Variants in SH2D2A observed in about 807,000 individuals in gnomAD.
SH2D2A encodes SH2 domain containing 2A.
A neutral mutation model predicts 43.6 loss-of-function variants in SH2D2A; 33 were observed. That is an observed-to-expected ratio of 0.76 (90% CI 0.57 to 1.01). The LOEUF is 1.01. Among genes scored for constraint, SH2D2A ranks in the 50% least tolerant of loss-of-function variants. The pLI is 0.00. For missense variants in SH2D2A, 491 were observed against 503.1 expected (o/e 0.98, Z 0.23); for synonymous variants, 212 against 206.1 (o/e 1.03, Z -0.25).
intron 4 of SH2D2A, 51 bp from the exon 5 acceptor site, chr1:156,814,067 C>CG: frequency 6.7e-7 from 1 of 1,489,052 alleles, no homozygotes; most frequent in Non-Finnish European, 8.9e-7. Flanking sequence ...CGGCCAGGGT[C>CG]ACCAGCGAGA....
chr1:156,813,430 A>G (rs1478300580), intron 5 of SH2D2A, among the ~76,000 whole-genome samples: 1 of 152,182 alleles, frequency 6.6e-6, no homozygotes, highest in Non-Finnish European at 1.5e-5. Context: ...AGAGGGGGGA[A>G]GCTGACTCAG....
chr1:156,809,440 C>G lies in SH2D2A; in HGVS notation c.765G>C (p.Leu255=), dbSNP rs1485265022. The G allele has an allele frequency of 3.7e-6, 6 of 1,612,498 alleles. No homozygotes were observed. The South Asian group carries it at 6.6e-5, about 18-fold the overall frequency. The change falls in exon 7 of 9, where the codon CTG becomes CTC. Residue 255 remains leucine, a synonymous_variant. Coordinates refer to ENST00000368199, the MANE Select transcript of SH2D2A (RefSeq NM_003975.4). This position sits in a 1 kb window ranked among gnomAD's most constrained non-coding sequence, Gnocchi z 4.8. ...CAGGGATTGTGTAGACTTCTGGGGGCAGCTGAGGTTTGGCGGGGATGGGAG... is the reference window on the plus strand; with the variant it reads ...CAGGGATTGTGTAGACTTCTGGGGGGAGCTGAGGTTTGGCGGGGATGGGAG... The part of the protein sequence containing the change: ...PKPPIPAKPQ[L]PPEVYTIPVP...
chr1:156,809,731 TG>T lies in SH2D2A; in HGVS notation c.643del (p.Gln215SerfsTer73). 1 of 1,614,070 alleles carries T rather than the reference TG, an allele frequency of 6.2e-7. No homozygotes were observed. Among genetic ancestry groups the T allele is most frequent in the Non-Finnish European group, 8.5e-7 (1 of 1,179,990 alleles). Reference sequence around the variant, plus strand: ...CCCCTGTTTGATGATTGGGCTGTACTGGGGGTTTGGGTCCTGGCTTTTGCTT... The same window carrying T: ...CCCCTGTTTGATGATTGGGCTGTACTGGGGTTTGGGTCCTGGCTTTTGCTT... ...FGSKSQDPNP[Q>X]YSPIIKQGQA... On this transcript the variant is annotated frameshift_variant, in exon 6 of 9. Coordinates refer to ENST00000368199, the MANE Select transcript of SH2D2A (RefSeq NM_003975.4). LOFTEE classifies it high-confidence loss of function. This position sits in a 1 kb window ranked among gnomAD's most constrained non-coding sequence, Gnocchi z 4.8.
Position 156,814,133 on chromosome 1 carries a change from C to A in SH2D2A, c.398+72G>T, listed in dbSNP as rs969236871. The A allele has an allele frequency of 2.6e-5, 42 of 1,585,682 alleles. No homozygotes were observed. The Admixed American group carries it at 6.2e-4, about 23-fold the overall frequency. On this transcript the variant is annotated intron_variant, in intron 4 of 8. Transcript: ENST00000368199. Reference sequence around the variant, plus strand: ...AATGAGCTAAGAGCCCGGCTCCTCACGGGATCAGACCCAAGCCCCGCCCCT... The same window carrying A: ...AATGAGCTAAGAGCCCGGCTCCTCAAGGGATCAGACCCAAGCCCCGCCCCT...
At chr1:156,813,422 AG>A (rs35693620) in intron 5 of SH2D2A, among the ~76,000 whole-genome samples, 1 of 152,126 alleles carries the variant, frequency 6.6e-6, no homozygotes, top group Non-Finnish European at 1.5e-5. Flanking sequence ...TGGGGCCTAG[AG>A]GGGGGAAGCT....
intron 3 of SH2D2A, chr1:156,814,595 ACTT>A: frequency 2.1e-6 from 1 of 480,202 alleles, no homozygotes. Context: ...AAGTAGTTGG[ACTT>A]CCAGATTTCA....
At position 156,815,752 on chromosome 1, in the gene SH2D2A, A is replaced by G. The variant is rs200011053; in HGVS notation, c.123+254T>C. The stretch of plus-strand genomic sequence containing the variant: ...CTGCTTCTGGGACTCAATGCACTGC[A>G]CCCTGGTCATCTGCGGACTCAGCCT... On this transcript the variant is annotated intron_variant, in intron 2 of 8. Coordinates refer to ENST00000368199, the MANE Select transcript of SH2D2A (RefSeq NM_003975.4). 8.4e-5 allele frequency: 130 copies of G among 1,551,372 alleles called. No individual in the cohort carries two copies. The Middle Eastern group carries it at 8.4e-4, about 10-fold the overall frequency.
intron 5 of SH2D2A, among the ~76,000 whole-genome samples, chr1:156,810,957 C>G (rs929148422): frequency 6.6e-6 from 1 of 152,222 alleles, no homozygotes; most frequent in Non-Finnish European, 1.5e-5. Context: ...TGCCTGCTGC[C>G]ACTGTAGGCT....
Position 156,813,955 on chromosome 1 carries a change from G to C in SH2D2A, c.460C>G (p.Leu154Val). ...CGCGCGTGGGCGCTGTCCTCGCCCA[G>C]CACCACGTGGCGCCCGTCCCTGAGC... is the stretch of plus-strand genomic sequence containing the variant. ...AQLRDGRHVV[L>V]GEDSAHARLQ... is the part of the protein sequence containing the mutation. The change falls in exon 5 of 9, where the codon CTG becomes GTG. Residue 154 changes from leucine (L) to valine (V), a missense_variant. By Grantham distance (32) the Leu-to-Val change is conservative (BLOSUM62 1). Coordinates refer to ENST00000368199, the MANE Select transcript of SH2D2A (RefSeq NM_003975.4). 1 of 1,532,978 alleles carries C rather than the reference G, an allele frequency of 6.5e-7. No individual in the cohort carries two copies. The highest frequency in any genetic ancestry group is 8.7e-7 in the Non-Finnish European group (1 of 1,143,566). 95.0% of individuals were successfully genotyped at this position (1,532,978 alleles called of 1,614,324 possible).
chr1:156,811,211 G>A (rs1176500446), intron 5 of SH2D2A, among the ~76,000 whole-genome samples: 1 of 152,118 alleles, frequency 6.6e-6, no homozygotes, highest in Non-Finnish European at 1.5e-5. Context: ...CACAAGTCCT[G>A]CTCCTTCCAC....
intron 5 of SH2D2A, among the ~76,000 whole-genome samples, 192 bp downstream of exon 5, chr1:156,813,656 C>G (rs1406820013): frequency 6.6e-6 from 1 of 152,232 alleles, no homozygotes; most frequent in Non-Finnish European, 1.5e-5. Flanking sequence ...AAGGACGGTC[C>G]CCCAGCACTC....
In SH2D2A at chr1:156,810,728, G is replaced by T. The variant is rs189333865; in HGVS notation, c.568-921C>A. 1.3e-3 allele frequency among the ~76,000 whole-genome samples: 196 copies of T among 152,170 alleles called. 1 individual carries two copies. In the East Asian group the frequency reaches 0.016, roughly 12 times the overall value. ...GTAGAGATGGAGTTTTGCCACGTTG[G>T]CCAGGCTGGTCTCGAAATCCTGATC... On this transcript the variant is annotated intron_variant, in intron 5 of 8. Coordinates refer to ENST00000368199, the MANE Select transcript of SH2D2A (RefSeq NM_003975.4).
At position 156,809,595 on chromosome 1, in the gene SH2D2A, C is replaced by T; in HGVS notation, c.714+66G>A. On this transcript the variant is annotated intron_variant, in intron 6 of 8. Coordinates refer to ENST00000368199, the MANE Select transcript of SH2D2A (RefSeq NM_003975.4). The surrounding 1 kb of genome is among the most constrained non-coding windows in gnomAD (Gnocchi z 4.8). ...CTCTGCCCCCGCTAGGCCCCTCCTC[C>T]TCCCCGCTGCCTGCACCCCCTCGCA... 1 of 1,563,288 alleles carries T rather than the reference C, an allele frequency of 6.4e-7. No homozygotes were observed. Among genetic ancestry groups the T allele is most frequent in the Non-Finnish European group, 8.7e-7 (1 of 1,155,706 alleles).
chr1:156,808,596 C>T (rs558711902), intron 7 of SH2D2A, among the ~76,000 whole-genome samples: 11 of 151,684 alleles, frequency 7.3e-5, no homozygotes, highest in Admixed American at 2.6e-4. Flanking sequence ...CCGCAGAGGC[C>T]GAGGGAGAGG....
rs1247584611 is a variant in SH2D2A, at chr1:156,807,479, T to C, written c.1003-134A>G. 2.7e-6 allele frequency: 2 copies of C among 727,508 alleles called. No individual in the cohort carries two copies. Among genetic ancestry groups the C allele is most frequent in the South Asian group, 4.1e-5 (2 of 49,142 alleles). The allele number at this position is 727,508 out of a possible 1,614,324, so 45.1% of individuals were successfully genotyped here. On this transcript the variant is annotated intron_variant, in intron 7 of 8. Coordinates refer to ENST00000368199, the MANE Select transcript of SH2D2A (RefSeq NM_003975.4). The surrounding 1 kb of genome is among the most constrained non-coding windows in gnomAD (Gnocchi z 5.1). Reference sequence around the variant, plus strand: ...TATCTAAACTCCTCTCATTCATTAATTCAACAAACATCTCCTGAGCACCTG... The same window carrying C: ...TATCTAAACTCCTCTCATTCATTAACTCAACAAACATCTCCTGAGCACCTG...
In SH2D2A at chr1:156,809,886, A is replaced by T. The variant is rs1653288524; in HGVS notation, c.568-79T>A. On this transcript the variant is annotated intron_variant, in intron 5 of 8. Transcript: ENST00000368199. This position sits in a 1 kb window ranked among gnomAD's most constrained non-coding sequence, Gnocchi z 4.8. ...GGTGATCAGGAGGACAAAATAATCC[A>T]GTCTAAGTGGAGGATGGGGGAAGGG... is the stretch of plus-strand genomic sequence containing the variant. 3 of 1,517,890 alleles carry T rather than the reference A, an allele frequency of 2.0e-6. No individual in the cohort carries two copies. The highest frequency in any genetic ancestry group is 2.7e-6 in the Non-Finnish European group (3 of 1,111,524). The allele number at this position is 1,517,890 out of a possible 1,614,324, so 94.0% of individuals were successfully genotyped here.
chr1:156,814,453 C>T, intron 3 of SH2D2A, 159 bp from the exon 4 acceptor site: 1 of 1,330,598 alleles, frequency 7.5e-7, no homozygotes, highest in Non-Finnish European at 1.0e-6. Context: ...CACGTGGGCG[C>T]TGCTCTCCCG....
At chr1:156,813,823 T>G in intron 5 of SH2D2A, 25 bp downstream of exon 5, 1 of 1,397,398 alleles carries the variant, frequency 7.2e-7, no homozygotes, top group Middle Eastern at 2.5e-4. Context: ...CCCTGGGCTC[T>G]CTGGTCAGGG....
intron 5 of SH2D2A, among the ~76,000 whole-genome samples, chr1:156,811,716 G>A (rs994800212): frequency 2.0e-5 from 3 of 151,954 alleles, no homozygotes; most frequent in African/African-American, 4.8e-5. Context: ...CACTTTCTTC[G>A]CTTGGCTTCC....
Sources: gnomAD v4.1 joint callset for allele counts (sites outside exome capture counted in the v4.1 genomes callset) on GRCh38, gnomAD v4.1.1 for gene constraint, Gnocchi (gnomAD v3.1) non-coding constraint, MANE v1.5 for transcripts, NCBI Gene and HGNC (gene_info 2026-07-23, HGNC 2026-07-21) for gene names.